Variants in SGIP1 observed in about 807,000 individuals in gnomAD.
SGIP1 encodes SH3-containing GRB2-like protein 3-interacting protein 1.
SGIP1 carries 38 observed loss-of-function variants against 107.5 expected under a neutral mutation model. That is an observed-to-expected ratio of 0.35 (90% confidence interval 0.27 to 0.46). The LOEUF is 0.46. SGIP1 is among the 20% of genes least tolerant of loss of function. The pLI is 1.00. For missense variants in SGIP1, 929 were observed against 1,019.5 expected (o/e 0.91, Z 1.21); for synonymous variants, 365 against 366.1 (o/e 1.00, Z 0.03).
intron 1 of SGIP1, among the ~76,000 whole-genome samples, chr1:66,539,895 GT>G (rs79523553): frequency 0.25 from 38,038 of 152,022 alleles, 5,294 homozygotes; most frequent in African/African-American, 0.37. Context: ...GTTGCTTTCA[GT>G]GCATGGGCTG....
intron 1 of SGIP1, among the ~76,000 whole-genome samples, chr1:66,608,013 C>G (rs2067188478): frequency 6.6e-6 from 1 of 152,110 alleles, no homozygotes; most frequent in South Asian, 2.1e-4. Flanking sequence ...GCATTGTGTA[C>G]CCCAGATGCC....
chr1:66,683,441 G>C (rs2150016509), intron 15 of SGIP1, among the ~76,000 whole-genome samples: 2 of 152,266 alleles, frequency 1.3e-5, no homozygotes, highest in Admixed American at 1.3e-4. Context: ...CTTGCTCTGT[G>C]CTTGCAAATG....
At chr1:66,601,942 T>C (rs2065917851) in intron 1 of SGIP1, among the ~76,000 whole-genome samples, 1 of 152,208 alleles carries the variant, frequency 6.6e-6, no homozygotes, top group Admixed American at 6.5e-5. Flanking sequence ...TAAAGCAATA[T>C]CTCTAAATTA....
intron 1 of SGIP1, among the ~76,000 whole-genome samples, chr1:66,613,458 T>A (rs1449792403): frequency 6.6e-6 from 1 of 152,110 alleles, no homozygotes; most frequent in Non-Finnish European, 1.5e-5. Context: ...GCCTCCCAAG[T>A]AGTTGGGGTT....
chr1:66,726,585 C>A (rs113015149), intron 19 of SGIP1, among the ~76,000 whole-genome samples: 4 of 152,114 alleles, frequency 2.6e-5, no homozygotes, highest in African/African-American at 9.7e-5. Context: ...TTGACTCACA[C>A]AGATAAGGGC....
chr1:66,647,621 T>C (rs2077877273), intron 7 of SGIP1, among the ~76,000 whole-genome samples: 1 of 152,216 alleles, frequency 6.6e-6, no homozygotes, highest in African/African-American at 2.4e-5. Flanking sequence ...TTTCTTCCCA[T>C]ATATGTTTTA....
In SGIP1 at chr1:66,583,836, G is replaced by A. The variant is rs180723377; in HGVS notation, c.11-42011G>A. ...CTTTGATGCCGTCTCTCCTAGTACA[G>A]TAGTCAACACATAATACCTGCTCAA... On this transcript the variant is annotated intron_variant, in intron 1 of 24. Coordinates refer to ENST00000371037, the MANE Select transcript of SGIP1 (RefSeq NM_032291.4). 2.7e-3 allele frequency among the ~76,000 whole-genome samples: 413 copies of A among 152,238 alleles called. 2 individuals carry two copies. Among genetic ancestry groups the A allele is most frequent in the Non-Finnish European group, 3.4e-3 (232 of 67,988 alleles).
intron 19 of SGIP1, among the ~76,000 whole-genome samples, chr1:66,723,036 A>G (rs72920371): frequency 0.02 from 3,121 of 152,336 alleles, 102 homozygotes; most frequent in African/African-American, 0.072. Context: ...TTATTTCATT[A>G]AAATTTTGAA....
chr1:66,587,731 G>T (rs2062857332), intron 1 of SGIP1, among the ~76,000 whole-genome samples: 1 of 151,988 alleles, frequency 6.6e-6, no homozygotes, highest in African/African-American at 2.4e-5. Flanking sequence ...GTGGAACAAA[G>T]ATCCTATTTA....
At chr1:66,690,717 A>G (rs1270505414) in intron 17 of SGIP1, among the ~76,000 whole-genome samples, 1 of 152,126 alleles carries the variant, frequency 6.6e-6, no homozygotes, top group Non-Finnish European at 1.5e-5. Flanking sequence ...TAGAACTTGT[A>G]TTTTCTTGAA....
intron 18 of SGIP1, among the ~76,000 whole-genome samples, chr1:66,710,016 T>G (rs978301297): frequency 6.6e-6 from 1 of 151,832 alleles, no homozygotes; most frequent in Non-Finnish European, 1.5e-5. Context: ...TTATATAATC[T>G]AAGCCAACTA....
intron 18 of SGIP1, among the ~76,000 whole-genome samples, chr1:66,698,633 C>CGGG (rs113453088): frequency 2.5e-4 from 38 of 152,184 alleles, no homozygotes; most frequent in Middle Eastern, 3.4e-3. Flanking sequence ...CCGCCTCGGC[C>CGGG]TCCCAAAGTA....
intron 1 of SGIP1, among the ~76,000 whole-genome samples, chr1:66,596,156 G>A (rs1227188137): frequency 6.6e-6 from 1 of 152,220 alleles, no homozygotes; most frequent in Non-Finnish European, 1.5e-5. Context: ...CAAGGCAGCT[G>A]GCGTGCCCCA....
chr1:66,620,458 T>A (rs1214159530), intron 1 of SGIP1, among the ~76,000 whole-genome samples: 1 of 152,134 alleles, frequency 6.6e-6, no homozygotes, highest in African/African-American at 2.4e-5. Context: ...TCCACATGGC[T>A]GGGGAGGCCT....
At chr1:66,634,407 T>C (rs554432438) in intron 3 of SGIP1, among the ~76,000 whole-genome samples, 33 of 152,298 alleles carry the variant, frequency 2.2e-4, no homozygotes, top group Non-Finnish European at 4.6e-4. Flanking sequence ...TTCTCTGTGT[T>C]CTGAGCAGCA....
intron 1 of SGIP1, among the ~76,000 whole-genome samples, chr1:66,586,577 T>C (rs1418122343): frequency 6.6e-6 from 1 of 152,160 alleles, no homozygotes; most frequent in Non-Finnish European, 1.5e-5. Context: ...GAGTAAAGTA[T>C]AAAACCTTAC....
In SGIP1 at chr1:66,747,688, G is replaced by A. The variant is rs539138599; in HGVS notation, c.*4593G>A. ...TAGCCTCATTCTAAAAGAGTTGCAC[G>A]AATATTTTTTCTCAAAATAACCACA... On this transcript the variant is annotated 3_prime_UTR_variant, in exon 25 of 25. Coordinates refer to ENST00000371037, the MANE Select transcript of SGIP1 (RefSeq NM_032291.4). 3 of 151,964 alleles carry A rather than the reference G, an allele frequency of 2.0e-5. No individual in the cohort carries two copies. The highest frequency in any genetic ancestry group is 2.1e-4 in the South Asian group (1 of 4,818). The allele number at this position is 151,964 out of a possible 1,614,324, so 9.4% of individuals were successfully genotyped here. A position where few individuals can be genotyped will look rare whatever the true frequency, so the allele number is the denominator to read the frequency against.
At chr1:66,626,587 C>T (rs1029797641) in intron 2 of SGIP1, among the ~76,000 whole-genome samples, 1 of 152,154 alleles carries the variant, frequency 6.6e-6, no homozygotes, top group Admixed American at 6.6e-5. Context: ...ACTTATTTGA[C>T]CATCTTGAAT....
At chr1:66,685,060 C>CTA (rs1417064973) in intron 15 of SGIP1, among the ~76,000 whole-genome samples, 1 of 152,214 alleles carries the variant, frequency 6.6e-6, no homozygotes, top group Admixed American at 6.5e-5. Flanking sequence ...GGAACATATA[C>CTA]AAGCTGGAAG....
Sources: allele counts gnomAD v4.1 joint callset (sites outside exome capture counted in the v4.1 genomes callset), GRCh38; gene constraint gnomAD v4.1.1; transcripts MANE v1.5; gene names NCBI Gene and HGNC (gene_info 2026-07-23, HGNC 2026-07-21).